SLC5A1: variants seen among roughly 807,000 people sequenced by gnomAD.
SLC5A1 encodes the protein solute carrier family 5 member 1.
In SLC5A1, 42 loss-of-function variants were observed where a neutral mutation model predicts 73.5. The observed-to-expected ratio is 0.57, with a 90% CI of 0.45 to 0.74. SLC5A1 has a LOEUF of 0.74. SLC5A1 is among the 30% of genes least tolerant of loss of function. The pLI, the probability that SLC5A1 is intolerant of heterozygous loss-of-function variation, is 0.00. For missense variants in SLC5A1, 634 were observed against 855.4 expected, an observed-to-expected ratio of 0.74 and a Z score of 3.23; for synonymous variants, 300 against 317.4, an observed-to-expected ratio of 0.95 and a Z score of 0.58.
chr22:32,099,225 G>A lies in SLC5A1; in HGVS notation c.1323G>A (p.Val441=). ...TGATTGGCATCAGCATCGCCTGGGT[G>A]CCCATTGTGCAGTCAGCACAAAGTG... The part of the protein sequence containing the change: ...LVLIGISIAW[V]PIVQSAQSGQ... Residue 441 remains valine, a synonymous_variant, in exon 12 of 15, where the codon GTG becomes GTA. Transcript: ENST00000266088. 6.2e-7 allele frequency: 1 copy of A among 1,612,620 alleles called. No homozygotes were observed. Among genetic ancestry groups the A allele is most frequent in the South Asian group, 1.1e-5 (1 of 91,022 alleles).
At chr22:32,079,919 G>A (rs911076993) in intron 5 of SLC5A1, among the ~76,000 whole-genome samples, 3 of 152,160 alleles carry the variant, frequency 2.0e-5, no homozygotes, top group African/African-American at 4.8e-5. Context: ...TACTGCAGAG[G>A]GCAAGGCAGA....
At chr22:32,077,133 T>C (rs1603122909) in intron 5 of SLC5A1, among the ~76,000 whole-genome samples, 1 of 152,188 alleles carries the variant, frequency 6.6e-6, no homozygotes, top group East Asian at 1.9e-4. Context: ...TAATTTTTTA[T>C]TTCACTTCAA....
rs1034719833 is a variant in SLC5A1, at chr22:32,060,192, T to C, written c.208-6743T>C. On this transcript the variant is annotated intron_variant, in intron 2 of 14. Transcript: ENST00000266088. The stretch of plus-strand genomic sequence containing the variant: ...ACACACACACACACACACACATATA[T>C]ATATATATTTTTTTAAGAGATGGAA... Among the ~76,000 whole-genome samples the C allele has an allele frequency of 7.8e-4, 115 of 147,088 alleles. 4 individuals carry two copies. The South Asian group carries it at 8.3e-3, about 11-fold the overall frequency.
intron 7 of SLC5A1, 27 bp from the exon 8 acceptor site, chr22:32,084,412 G>A (rs1445518353): frequency 2.5e-6 from 4 of 1,595,954 alleles, no homozygotes; most frequent in Admixed American, 1.7e-5. Context: ...GTTTCAGAAT[G>A]TTCATTTCTG....
At chr22:32,054,886 G>A (rs968805622) in intron 2 of SLC5A1, among the ~76,000 whole-genome samples, 2 of 152,090 alleles carry the variant, frequency 1.3e-5, no homozygotes, top group African/African-American at 2.4e-5. Flanking sequence ...TGTTGGCCGG[G>A]CTGGTCTTGA....
chr22:32,109,437 C>T (rs2094052234), intron 14 of SLC5A1, among the ~76,000 whole-genome samples: 1 of 152,116 alleles, frequency 6.6e-6, no homozygotes, highest in South Asian at 2.1e-4. Flanking sequence ...GACATTAGAT[C>T]CTAAGCCTGG....
At chr22:32,093,158 C>T (rs979017217) in intron 11 of SLC5A1, among the ~76,000 whole-genome samples, 3 of 152,142 alleles carry the variant, frequency 2.0e-5, no homozygotes, top group African/African-American at 7.2e-5. Flanking sequence ...TTTCATTAGT[C>T]TCTGTGCCTA....
chr22:32,078,954 C>CAA (rs6147589), intron 5 of SLC5A1, among the ~76,000 whole-genome samples: 1,476 of 108,782 alleles, frequency 0.014, 119 homozygotes, highest in African/African-American at 0.037. Flanking sequence ...ACTCTGTCTC[C>CAA]AAAAAAAAAA....
chr22:32,090,035 G>A (rs548868184), intron 10 of SLC5A1, among the ~76,000 whole-genome samples: 2 of 147,248 alleles, frequency 1.4e-5, no homozygotes, highest in African/African-American at 5.0e-5. Flanking sequence ...AACACATCAA[G>A]AAATGAGGCC....
chr22:32,086,062 A>G (rs1476827935), intron 9 of SLC5A1, among the ~76,000 whole-genome samples, 158 bp from the exon 10 acceptor site: 1 of 151,404 alleles, frequency 6.6e-6, no homozygotes, highest in African/African-American at 2.4e-5. Flanking sequence ...AATGGCGTGA[A>G]CCCGGGAGGC....
intron 11 of SLC5A1, among the ~76,000 whole-genome samples, chr22:32,094,510 A>G (rs2094023195): frequency 6.6e-6 from 1 of 152,100 alleles, no homozygotes; most frequent in African/African-American, 2.4e-5. Context: ...TACCATTTCA[A>G]CTTCGCTGCT....
chr22:32,059,347 A>G (rs935547841), intron 2 of SLC5A1: 5 of 985,462 alleles, frequency 5.1e-6, no homozygotes, highest in Non-Finnish European at 4.8e-6. Context: ...CACATGAGGT[A>G]AGAGATTGGA....
chr22:32,104,776 T>C lies in SLC5A1; in HGVS notation c.1666-10T>C, dbSNP rs749971772. 3.3e-5 allele frequency: 54 copies of C among 1,612,360 alleles called. No individual in the cohort carries two copies. The highest frequency in any genetic ancestry group is 4.4e-5 in the Non-Finnish European group (52 of 1,178,562). On this transcript the variant is annotated splice_polypyrimidine_tract_variant and intron_variant, in intron 13 of 14. Coordinates refer to ENST00000266088, the MANE Select transcript of SLC5A1 (RefSeq NM_000343.4). ...GATCTTTCTGTTGACCTGTTCTGCC[T>C]TCTCTGCAGCTCTACCGTCTGTGTT... is the stretch of plus-strand genomic sequence containing the variant.
chr22:32,065,662 A>G (rs145681485), intron 2 of SLC5A1, among the ~76,000 whole-genome samples: 1 of 152,330 alleles, frequency 6.6e-6, no homozygotes, highest in African/African-American at 2.4e-5. Flanking sequence ...AGTAGATGCT[A>G]AGTTAATATT....
At chr22:32,067,173 G>C in intron 3 of SLC5A1, 134 bp downstream of exon 3, 1 of 705,294 alleles carries the variant, frequency 1.4e-6, no homozygotes, top group South Asian at 1.5e-5. Flanking sequence ...ACAGAGGAGG[G>C]GCATGACTTC....
At chr22:32,068,703 C>T (rs927498684) in intron 5 of SLC5A1, 103 bp downstream of exon 5, 3 of 824,252 alleles carry the variant, frequency 3.6e-6, no homozygotes, top group Non-Finnish European at 6.2e-6. Flanking sequence ...TTTCTATTAA[C>T]TTGGCCCCTT....
At chr22:32,049,453 C>T (rs1471225493) in intron 1 of SLC5A1, among the ~76,000 whole-genome samples, 2 of 145,820 alleles carry the variant, frequency 1.4e-5, no homozygotes, top group Non-Finnish European at 3.0e-5. Context: ...CTATGTTGCC[C>T]AGGCTGGTCT....
At chr22:32,054,135 T>C (rs1429979087) in intron 2 of SLC5A1, among the ~76,000 whole-genome samples, 2 of 152,170 alleles carry the variant, frequency 1.3e-5, no homozygotes, top group Non-Finnish European at 2.9e-5. Context: ...ATCGCACCAT[T>C]GCACTCCAGC....
At chr22:32,105,541 C>T (rs559916850) in intron 14 of SLC5A1, among the ~76,000 whole-genome samples, 1 of 152,180 alleles carries the variant, frequency 6.6e-6, no homozygotes, top group African/African-American at 2.4e-5. Flanking sequence ...GTGATCTGCC[C>T]GCCTTGGCCT....
Sources: gnomAD v4.1 joint callset for allele counts (sites outside exome capture counted in the v4.1 genomes callset) on GRCh38, gnomAD v4.1.1 for gene constraint, MANE v1.5 for transcripts, NCBI Gene and HGNC (gene_info 2026-07-23, HGNC 2026-07-21) for gene names.